The following NOL4 variants were observed in gnomAD, a reference collection of about 807,000 sequenced individuals.
NOL4 encodes the protein cancer/testis antigen 125.
A neutral mutation model predicts 75.9 loss-of-function variants in NOL4; 17 were observed. The ratio of observed to expected loss-of-function variants is 0.22; its 90% CI spans 0.15 to 0.34. The LOEUF is 0.34. NOL4 is among the 10% of genes least tolerant of loss of function. The pLI, the probability that NOL4 is intolerant of heterozygous loss-of-function variation, is 1.00. For missense variants in NOL4, 614 were observed against 793.5 expected, an observed-to-expected ratio of 0.77 and a Z score of 2.72; for synonymous variants, 292 against 289.9, an observed-to-expected ratio of 1.01 and a Z score of -0.07.
intron 5 of NOL4, among the ~76,000 whole-genome samples, chr18:34,054,827 T>A (rs2076768570): frequency 6.6e-6 from 1 of 151,774 alleles, no homozygotes; most frequent in African/African-American, 2.4e-5. Context: ...TGTTGACTTT[T>A]GGTAATGGCA....
intron 10 of NOL4, among the ~76,000 whole-genome samples, chr18:33,878,649 C>A (rs2064074519): frequency 6.6e-6 from 1 of 151,946 alleles, no homozygotes; most frequent in Admixed American, 6.6e-5. Flanking sequence ...TAATTTCTCC[C>A]AAAATATAAG....
chr18:34,046,922 A>C (rs904942177), intron 5 of NOL4, among the ~76,000 whole-genome samples: 2 of 151,948 alleles, frequency 1.3e-5, no homozygotes, highest in African/African-American at 2.4e-5. Flanking sequence ...TACTAATAGA[A>C]ATCACCAAAA....
At chr18:33,922,375 A>ATTTTT in intron 9 of NOL4, among the ~76,000 whole-genome samples, 1 of 152,252 alleles carries the variant, frequency 6.6e-6, no homozygotes, top group Non-Finnish European at 1.5e-5. Flanking sequence ...AGACTTAAAA[A>ATTTTT]TAAAGTGAAG....
At chr18:34,133,746 G>A (rs903336487) in intron 1 of NOL4, among the ~76,000 whole-genome samples, 4 of 152,122 alleles carry the variant, frequency 2.6e-5, no homozygotes, top group African/African-American at 7.2e-5. Flanking sequence ...AAAGTTGGCC[G>A]GGCTCAGTGG....
At chr18:34,032,436 C>T (rs1941356) in intron 5 of NOL4, among the ~76,000 whole-genome samples, 82,794 of 151,958 alleles carry the variant, frequency 0.54, 23,343 homozygotes, top group Non-Finnish European at 0.63. Context: ...AGCACAGACT[C>T]TGGAGGCAAA....
At chr18:33,910,210 T>A (rs955201137) in intron 9 of NOL4, among the ~76,000 whole-genome samples, 1 of 152,190 alleles carries the variant, frequency 6.6e-6, no homozygotes, top group South Asian at 2.1e-4. Flanking sequence ...TCTGGCACAA[T>A]GAACATTCTT....
intron 2 of NOL4, among the ~76,000 whole-genome samples, chr18:34,128,515 T>C (rs2080484063): frequency 6.6e-6 from 1 of 151,832 alleles, no homozygotes; most frequent in Admixed American, 6.6e-5. Context: ...GCAAAATGAG[T>C]ATGTTCAGTA....
At chr18:34,096,039 T>C (rs762731660) in intron 4 of NOL4, among the ~76,000 whole-genome samples, 6 of 152,040 alleles carry the variant, frequency 3.9e-5, no homozygotes, top group Non-Finnish European at 7.4e-5. Context: ...CTCTGTTCTA[T>C]GAAATGGTTG....
chr18:34,203,581 C>T (rs530995873), intron 1 of NOL4, among the ~76,000 whole-genome samples: 1 of 151,908 alleles, frequency 6.6e-6, no homozygotes, highest in African/African-American at 2.4e-5. Context: ...TGTAATATTT[C>T]TTACAATTGC....
intron 9 of NOL4, among the ~76,000 whole-genome samples, chr18:33,909,489 C>T (rs2066265162): frequency 6.6e-6 from 1 of 152,170 alleles, no homozygotes; most frequent in Admixed American, 6.5e-5. Context: ...ACTTTAACTT[C>T]CCATGCAATC....
chr18:34,062,994 T>C lies in NOL4; in HGVS notation c.772+30471A>G, dbSNP rs940136094. Among the ~76,000 whole-genome samples the C allele has an allele frequency of 5.3e-5, 8 of 152,136 alleles. No homozygotes were observed. The East Asian group carries it at 1.5e-3, about 29-fold the overall frequency. On this transcript the variant is annotated intron_variant, in intron 5 of 10. Coordinates refer to ENST00000261592, the MANE Select transcript of NOL4 (RefSeq NM_003787.5). ...ATAGAATTACGGGAGAATTTACTTA[T>C]GGATGCTATATTGTCTTTTCTATTA... is the stretch of plus-strand genomic sequence containing the variant.
intron 1 of NOL4, among the ~76,000 whole-genome samples, chr18:34,174,463 G>C (rs1041208839): frequency 1.3e-4 from 20 of 152,094 alleles, no homozygotes; most frequent in African/African-American, 4.6e-4. Context: ...GTTTTAGCTT[G>C]CTCTAGATTC....
At chr18:33,995,834 C>T (rs953569124) in intron 6 of NOL4, among the ~76,000 whole-genome samples, 15 of 151,664 alleles carry the variant, frequency 9.9e-5, no homozygotes, top group Admixed American at 7.9e-4. Context: ...ATTGGCTTTA[C>T]GTCCTAGAAT....
rs1229132732 is a variant in NOL4, at chr18:33,851,145, A to C, written c.*1697T>G. 2 of 152,558 alleles carry C rather than the reference A, an allele frequency of 1.3e-5. No homozygotes were observed. The highest frequency in any genetic ancestry group is 2.9e-5 in the Non-Finnish European group (2 of 68,006). The allele number at this position is 152,558 out of a possible 1,614,324, so 9.5% of individuals were successfully genotyped here. A position where few individuals can be genotyped will look rare whatever the true frequency, so the allele number is the denominator to read the frequency against. On this transcript the variant is annotated 3_prime_UTR_variant, in exon 11 of 11. Coordinates refer to ENST00000261592, the MANE Select transcript of NOL4 (RefSeq NM_003787.5). ...GTTTATTAAACCAAACAAAACAGAG[A>C]AAATTATACCAGCCCTCAATTTTTG...
rs961553939 is a variant in NOL4, at chr18:34,167,290, G to A, written c.265-37270C>T. 3.3e-5 allele frequency among the ~76,000 whole-genome samples: 5 copies of A among 151,980 alleles called. No homozygotes were observed. In the East Asian group the frequency reaches 9.7e-4, roughly 29 times the overall value. ...GGATACCAAGGGAATACCGTATAACGTTCAGTTCACCTTTAAAATAAGTCA... is the reference window on the plus strand; with the variant it reads ...GGATACCAAGGGAATACCGTATAACATTCAGTTCACCTTTAAAATAAGTCA... On this transcript the variant is annotated intron_variant, in intron 1 of 10. Coordinates refer to ENST00000261592, the MANE Select transcript of NOL4 (RefSeq NM_003787.5).
intron 5 of NOL4, among the ~76,000 whole-genome samples, chr18:34,036,425 G>A (rs1417478411): frequency 6.6e-6 from 1 of 152,110 alleles, no homozygotes; most frequent in Admixed American, 6.6e-5. Flanking sequence ...TCATGTAAAA[G>A]CTTCAACCAA....
intron 1 of NOL4, among the ~76,000 whole-genome samples, chr18:34,133,450 TAAAA>T (rs1407169413): frequency 7.9e-5 from 12 of 151,534 alleles, no homozygotes; most frequent in African/African-American, 2.9e-4. Flanking sequence ...CCAGTAAAGG[TAAAA>T]ATAATATAAT....
rs367848935 is a variant in NOL4 at position 34,213,383 on chromosome 18, G to A, written c.264+9607C>T. 2.9e-3 allele frequency among the ~76,000 whole-genome samples: 439 copies of A among 152,188 alleles called. 3 individuals carry two copies. Among genetic ancestry groups the A allele is most frequent in the African/African-American group, 9.8e-3 (409 of 41,536 alleles). On this transcript the variant is annotated intron_variant, in intron 1 of 10. Coordinates refer to ENST00000261592, the MANE Select transcript of NOL4 (RefSeq NM_003787.5). ...TGGCTCACTGCAACCTCCGCCTCCC[G>A]GCTTCAAGCGATTCTCCTACCCCAG... is the stretch of plus-strand genomic sequence containing the variant.
chr18:34,160,285 G>T (rs527692525), intron 1 of NOL4, among the ~76,000 whole-genome samples: 1 of 152,076 alleles, frequency 6.6e-6, no homozygotes, highest in African/African-American at 2.4e-5. Flanking sequence ...ATACAAAATG[G>T]ACCTATCCTC....
Sources: allele counts gnomAD v4.1 joint callset (sites outside exome capture counted in the v4.1 genomes callset), GRCh38; gene constraint gnomAD v4.1.1; transcripts MANE v1.5; gene names NCBI Gene and HGNC (gene_info 2026-07-23, HGNC 2026-07-21).